The following KCNMA1 variants were observed in gnomAD, a reference collection of about 807,000 sequenced individuals.
KCNMA1 encodes potassium calcium-activated channel subfamily M alpha 1.
Under a neutral mutation model 140.0 loss-of-function variants are expected in KCNMA1, and 29 were observed. The ratio of observed to expected loss-of-function variants is 0.21; its 90% CI spans 0.15 to 0.28. KCNMA1 has a LOEUF of 0.28. KCNMA1 is among the 10% of genes least tolerant of loss of function. KCNMA1 has a pLI of 1.00. For synonymous variants in KCNMA1, 612 were observed against 611.9 expected, an observed-to-expected ratio of 1.00 and a Z score of 0.00; for missense variants, 880 against 1,602.2, an observed-to-expected ratio of 0.55 and a Z score of 7.70.
intron 1 of KCNMA1, among the ~76,000 whole-genome samples, chr10:77,546,756 C>T (rs1202522351): frequency 6.6e-6 from 1 of 152,206 alleles, no homozygotes; most frequent in Non-Finnish European, 1.5e-5. Flanking sequence ...TGGGTGGCTC[C>T]CTGTCAGGGG....
chr10:77,625,931 C>T (rs2092442670), intron 1 of KCNMA1, among the ~76,000 whole-genome samples: 1 of 152,158 alleles, frequency 6.6e-6, no homozygotes, highest in Non-Finnish European at 1.5e-5. Flanking sequence ...TGCCATACTG[C>T]TTTCCACCGC....
intron 5 of KCNMA1, among the ~76,000 whole-genome samples, chr10:77,148,028 G>A (rs936686793): frequency 6.6e-6 from 1 of 151,890 alleles, no homozygotes; most frequent in Non-Finnish European, 1.5e-5. Flanking sequence ...GTAAGGAGGT[G>A]CTCCTTTTGG....
intron 2 of KCNMA1, among the ~76,000 whole-genome samples, chr10:77,383,325 T>G (rs1423954407): frequency 6.6e-6 from 1 of 151,510 alleles, no homozygotes; most frequent in Non-Finnish European, 1.5e-5. Flanking sequence ...ACCTGTGAAA[T>G]AAATGTGCAG....
chr10:77,006,333 T>A (rs1043277552), intron 18 of KCNMA1, among the ~76,000 whole-genome samples: 7 of 152,090 alleles, frequency 4.6e-5, no homozygotes, highest in Admixed American at 4.6e-4. Context: ...ACTTTTCAGG[T>A]CACAGCCTCA....
intron 1 of KCNMA1, among the ~76,000 whole-genome samples, chr10:77,560,413 A>C (rs2065971122): frequency 6.6e-6 from 1 of 152,218 alleles, no homozygotes; most frequent in African/African-American, 2.4e-5. Flanking sequence ...TTTCAGGGGA[A>C]AAAGCTTTTG....
intron 19 of KCNMA1, among the ~76,000 whole-genome samples, chr10:76,985,065 T>C (rs891387905): frequency 6.6e-6 from 1 of 152,228 alleles, no homozygotes; most frequent in Non-Finnish European, 1.5e-5. Context: ...TTGCAATCTA[T>C]GCATAAATAC....
chr10:77,206,211 A>G (rs1229884991), intron 3 of KCNMA1, among the ~76,000 whole-genome samples: 1 of 152,254 alleles, frequency 6.6e-6, no homozygotes, highest in East Asian at 1.9e-4. Flanking sequence ...AGACAATTAA[A>G]TTAATACAGC....
chr10:77,469,906 C>T (rs558588289), intron 1 of KCNMA1, among the ~76,000 whole-genome samples: 3 of 152,308 alleles, frequency 2.0e-5, no homozygotes, highest in East Asian at 1.9e-4. Context: ...GATAGCTCCT[C>T]GGTCAGTCTT....
chr10:77,405,800 C>G (rs966444973), intron 1 of KCNMA1, among the ~76,000 whole-genome samples: 9 of 152,124 alleles, frequency 5.9e-5, no homozygotes, highest in Non-Finnish European at 1.0e-4. Context: ...TGGTGAAAAG[C>G]TTTGTCTGCA....
At chr10:76,997,424 TA>T (rs2084752943) in intron 19 of KCNMA1, among the ~76,000 whole-genome samples, 1 of 152,262 alleles carries the variant, frequency 6.6e-6, no homozygotes, top group Admixed American at 6.5e-5. Context: ...AGTGCAAGTC[TA>T]AAGGTCTGCT....
intron 3 of KCNMA1, among the ~76,000 whole-genome samples, chr10:77,248,597 C>T (rs1393974152): frequency 6.6e-6 from 1 of 152,090 alleles, no homozygotes; most frequent in Non-Finnish European, 1.5e-5. Context: ...CCCAGATGGC[C>T]AGCCAAACCA....
At chr10:77,357,889 G>C (rs535614405) in intron 2 of KCNMA1, among the ~76,000 whole-genome samples, 2 of 152,296 alleles carry the variant, frequency 1.3e-5, no homozygotes, top group African/African-American at 4.8e-5. Context: ...GCTTAAGAAA[G>C]ACAGAATGGC....
chr10:77,131,974 A>G (rs2097870327), intron 5 of KCNMA1, among the ~76,000 whole-genome samples: 1 of 151,614 alleles, frequency 6.6e-6, no homozygotes, highest in Middle Eastern at 3.5e-3. Context: ...CAAAAAAAAA[A>G]AAAAAAAAGA....
intron 23 of KCNMA1, among the ~76,000 whole-genome samples, chr10:76,919,572 G>C (rs1279377275): frequency 2.0e-5 from 3 of 152,204 alleles, no homozygotes; most frequent in African/African-American, 7.2e-5. Flanking sequence ...AAAATGCCCA[G>C]CACATAGAAA....
chr10:77,563,393 A>C (rs16935043), intron 1 of KCNMA1, among the ~76,000 whole-genome samples: 11,015 of 152,138 alleles, frequency 0.072, 1,112 homozygotes, highest in African/African-American at 0.23. Context: ...TCTGGGTGAT[A>C]AGGCAACCCG....
chr10:77,499,434 CAT>C lies in KCNMA1; in HGVS notation c.379-95413_379-95412del, dbSNP rs199699029. 3.9e-3 allele frequency among the ~76,000 whole-genome samples: 519 copies of C among 133,084 alleles called. 1 individual carries two copies. The highest frequency in any genetic ancestry group is 0.014 in the Middle Eastern group (4 of 276). The allele number at this position is 133,084 out of a possible 152,430, so 87.3% of individuals were successfully genotyped here. A position where few individuals can be genotyped will look rare whatever the true frequency, so the allele number is the denominator to read the frequency against. The stretch of plus-strand genomic sequence containing the variant: ...ATATATATATATATACACACACACA[CAT>C]ACACACACACACACACACACATATA... On this transcript the variant is annotated intron_variant, in intron 1 of 27. Transcript: ENST00000286628.
At chr10:77,192,112 G>T (rs1311570651) in intron 3 of KCNMA1, among the ~76,000 whole-genome samples, 1 of 152,140 alleles carries the variant, frequency 6.6e-6, no homozygotes. Context: ...TGACTTCAGA[G>T]CAGTTGTAAG....
At chr10:76,941,625 C>G (rs2062445916) in intron 23 of KCNMA1, among the ~76,000 whole-genome samples, 1 of 152,178 alleles carries the variant, frequency 6.6e-6, no homozygotes, top group African/African-American at 2.4e-5. Flanking sequence ...CTTTGACACT[C>G]TCTCTTAGGG....
At chr10:77,081,247 T>C (rs528824770) in intron 12 of KCNMA1, among the ~76,000 whole-genome samples, 61 of 152,296 alleles carry the variant, frequency 4.0e-4, no homozygotes, top group African/African-American at 1.4e-3. Context: ...ATCTGGACAC[T>C]GGGAGCAACA....
Sources: gnomAD v4.1 joint callset for allele counts (sites outside exome capture counted in the v4.1 genomes callset) on GRCh38, gnomAD v4.1.1 for gene constraint, MANE v1.5 for transcripts, NCBI Gene and HGNC (gene_info 2026-07-23, HGNC 2026-07-21) for gene names.